The following SPHKAP variants were observed in gnomAD, a reference collection of about 807,000 sequenced individuals.
SPHKAP encodes A-kinase anchor protein SPHKAP.
SPHKAP carries 67 observed loss-of-function variants against 137.5 expected under a neutral mutation model. That is an observed-to-expected ratio of 0.49 (90% CI 0.40 to 0.60). SPHKAP has a LOEUF of 0.60. SPHKAP is among the 20% of genes least tolerant of loss of function. The pLI is 0.00. For missense variants in SPHKAP, 2,097 were observed against 2,069.3 expected (o/e 1.01, Z -0.26); for synonymous variants, 813 against 785.3 (o/e 1.04, Z -0.59).
At position 228,018,636 on chromosome 2, in the gene SPHKAP, C is replaced by T; in HGVS notation, c.2218G>A (p.Glu740Lys). ...LGECPAVLSKETIRRRETEPS... is the reference protein window; with the variant it reads ...LGECPAVLSKKTIRRRETEPS... ...TCTGTCTCCCTCCTTCTGATGGTCT[C>T]CTTAGAAAGGACAGCAGGACATTCA... is the stretch of plus-strand genomic sequence containing the variant. The change falls in exon 7 of 12, where the codon GAG becomes AAG. Residue 740 changes from glutamate (E) to lysine (K), a missense_variant. Coordinates refer to ENST00000392056, the MANE Select transcript of SPHKAP (RefSeq NM_001142644.2). 6.2e-7 allele frequency: 1 copy of T among 1,614,066 alleles called. No individual in the cohort carries two copies. Among genetic ancestry groups the T allele is most frequent in the Non-Finnish European group, 8.5e-7 (1 of 1,180,026 alleles).
At chr2:228,159,354 T>C (rs1299731741) in intron 1 of SPHKAP, among the ~76,000 whole-genome samples, 1 of 152,178 alleles carries the variant, frequency 6.6e-6, no homozygotes, top group Non-Finnish European at 1.5e-5. Flanking sequence ...GTAGGCCATC[T>C]GTGTTTGTTA....
intron 4 of SPHKAP, among the ~76,000 whole-genome samples, chr2:228,027,071 G>A (rs976947688): frequency 4.6e-5 from 7 of 152,172 alleles, no homozygotes; most frequent in African/African-American, 1.7e-4. Flanking sequence ...GATGCACTTG[G>A]AGAATTTTAG....
At chr2:228,053,691 A>T (rs1696338474) in intron 3 of SPHKAP, among the ~76,000 whole-genome samples, 1 of 152,192 alleles carries the variant, frequency 6.6e-6, no homozygotes, top group African/African-American at 2.4e-5. Context: ...TACTTCACTA[A>T]GTCTAAAACC....
intron 1 of SPHKAP, among the ~76,000 whole-genome samples, chr2:228,178,133 C>G (rs1039320950): frequency 1.3e-5 from 2 of 152,054 alleles, no homozygotes; most frequent in South Asian, 4.1e-4. Context: ...CAGTGTTTGT[C>G]CAAATTGTGT....
At chr2:228,177,614 T>A (rs1700780843) in intron 1 of SPHKAP, among the ~76,000 whole-genome samples, 1 of 152,216 alleles carries the variant, frequency 6.6e-6, no homozygotes, top group African/African-American at 2.4e-5. Context: ...CTATAAAAAC[T>A]TGGTGATGGA....
chr2:228,178,648 AT>A (rs1188763704), intron 1 of SPHKAP, among the ~76,000 whole-genome samples: 1 of 152,136 alleles, frequency 6.6e-6, no homozygotes, highest in Admixed American at 6.5e-5. Flanking sequence ...TTAAAAAAAA[AT>A]CCCTCTTAAA....
At chr2:228,059,827 T>C (rs1469109204) in intron 3 of SPHKAP, among the ~76,000 whole-genome samples, 4 of 152,218 alleles carry the variant, frequency 2.6e-5, no homozygotes, top group Non-Finnish European at 5.9e-5. Flanking sequence ...TTTGGTTGGC[T>C]TATCTTAGTG....
rs116986826 is a variant in SPHKAP, at chr2:228,179,973, A to G, written c.32+1594T>C. 7.2e-4 allele frequency among the ~76,000 whole-genome samples: 109 copies of G among 152,336 alleles called. No homozygotes were observed. The East Asian group carries it at 0.019, about 26-fold the overall frequency. ...CCAATTCACCGTTTCAATTCTAATG[A>G]CCATTTGCCCTAGACAGTAGAATAG... On this transcript the variant is annotated intron_variant, in intron 1 of 11. Coordinates refer to ENST00000392056, the MANE Select transcript of SPHKAP (RefSeq NM_001142644.2).
chr2:228,059,757 T>C (rs1032624991), intron 3 of SPHKAP, among the ~76,000 whole-genome samples: 2 of 152,238 alleles, frequency 1.3e-5, no homozygotes, highest in African/African-American at 4.8e-5. Flanking sequence ...CAGAAGGCAG[T>C]CTGCTCAGTG....
intron 3 of SPHKAP, among the ~76,000 whole-genome samples, chr2:228,085,757 CA>C (rs1353907107): frequency 6.6e-6 from 1 of 152,102 alleles, no homozygotes; most frequent in African/African-American, 2.4e-5. Context: ...TTAAGACTAA[CA>C]AAAGCACCTT....
chr2:228,061,725 A>G, intron 3 of SPHKAP, among the ~76,000 whole-genome samples: 1 of 151,318 alleles, frequency 6.6e-6, no homozygotes, highest in Non-Finnish European at 1.5e-5. Context: ...AATATCCAGG[A>G]AATATATATA....
chr2:228,091,924 A>G (rs1697749830), intron 3 of SPHKAP, among the ~76,000 whole-genome samples: 1 of 152,050 alleles, frequency 6.6e-6, no homozygotes, highest in Admixed American at 6.6e-5. Context: ...CTGGGTATCT[A>G]CCCAGAGGAA....
intron 2 of SPHKAP, among the ~76,000 whole-genome samples, chr2:228,119,456 T>TACAC (rs55846474): frequency 0.11 from 15,337 of 137,278 alleles, 1,078 homozygotes; most frequent in East Asian, 0.19. Flanking sequence ...AAGCCTAGTA[T>TACAC]ACACACACAC....
chr2:227,991,456 G>A, intron 9 of SPHKAP, 130 bp from the exon 10 acceptor site: 1 of 1,538,584 alleles, frequency 6.5e-7, no homozygotes, highest in South Asian at 1.3e-5. Flanking sequence ...TTTTTGTAGA[G>A]TAGAGTAATG....
At chr2:228,169,396 A>T (rs2106425466) in intron 1 of SPHKAP, among the ~76,000 whole-genome samples, 1 of 152,198 alleles carries the variant, frequency 6.6e-6, no homozygotes, top group East Asian at 1.9e-4. Flanking sequence ...CTTTAACTGG[A>T]AGCTAATGCT....
chr2:228,037,399 T>C (rs562777117), intron 3 of SPHKAP, among the ~76,000 whole-genome samples: 3 of 152,314 alleles, frequency 2.0e-5, no homozygotes, highest in African/African-American at 7.2e-5. Context: ...TTCCTCTCAC[T>C]GCCTACATAT....
intron 3 of SPHKAP, among the ~76,000 whole-genome samples, chr2:228,069,244 G>A (rs1477658299): frequency 5.9e-5 from 9 of 152,118 alleles, no homozygotes; most frequent in Non-Finnish European, 1.3e-4. Context: ...TCCAGCCTGG[G>A]CGACAAGAGC....
intron 7 of SPHKAP, among the ~76,000 whole-genome samples, chr2:228,000,622 A>G (rs1012212734): frequency 9.9e-5 from 15 of 151,196 alleles, no homozygotes; most frequent in Non-Finnish European, 2.1e-4. Context: ...TCTAAAAAAA[A>G]TAATAATAAT....
chr2:228,121,287 A>G (rs1698896037), intron 2 of SPHKAP, among the ~76,000 whole-genome samples: 1 of 152,184 alleles, frequency 6.6e-6, no homozygotes, highest in Non-Finnish European at 1.5e-5. Context: ...AGGCAGGAGG[A>G]TGACTTGAGG....
Sources: allele counts gnomAD v4.1 joint callset (sites outside exome capture counted in the v4.1 genomes callset), GRCh38; gene constraint gnomAD v4.1.1; transcripts MANE v1.5; gene names NCBI Gene and HGNC (gene_info 2026-07-23, HGNC 2026-07-21).